The following SPATA6L variants were observed in gnomAD, a reference collection of about 807,000 sequenced individuals.
SPATA6L encodes spermatogenesis associated 6-like protein.
Under a neutral mutation model 49.2 loss-of-function variants are expected in SPATA6L, and 68 were observed. The ratio of observed to expected loss-of-function variants is 1.38; its 90% CI spans 1.14 to 1.69. SPATA6L has a LOEUF of 1.69. Ranked by LOEUF, SPATA6L falls within the 40% of genes most tolerant of loss-of-function variation. The pLI, the probability that SPATA6L is intolerant of heterozygous loss-of-function variation, is 0.00. For missense variants in SPATA6L, 668 were observed against 464.3 expected (o/e 1.44, Z -4.03); for synonymous variants, 198 against 165.7 (o/e 1.19, Z -1.50).
At chr9:4,604,366 T>C in intron 10 of SPATA6L, 97 bp from the exon 11 acceptor site, 1 of 733,914 alleles carries the variant, frequency 1.4e-6, no homozygotes, top group South Asian at 1.7e-5. Flanking sequence ...GGTCTGTGCA[T>C]CCCATTTATG....
chr9:4,661,932 G>A lies in SPATA6L; in HGVS notation c.144C>T (p.Pro48=), dbSNP rs377628445. 5.6e-6 allele frequency: 9 copies of A among 1,613,758 alleles called. No homozygotes were observed. The African/African-American group carries it at 9.3e-5, about 17-fold the overall frequency. ...ATCTCATGCTCTCCTGAATCATAAT[G>A]GGGAACGCAGAGGGAAAGCTGTTGG... ...LETNSFPSAF[P]IMIQESMRFE... is the part of the protein sequence containing the mutation. Residue 48 remains proline (P), a synonymous_variant, in exon 2 of 12, where the codon CCC becomes CCT. Transcript: ENST00000682582.
intron 4 of SPATA6L, chr9:4,633,373 A>G (rs1832048057): frequency 6.5e-6 from 1 of 153,478 alleles, no homozygotes; most frequent in Non-Finnish European, 1.5e-5. Flanking sequence ...GTTATCATTA[A>G]AAAAGGAGAG....
intron 9 of SPATA6L, among the ~76,000 whole-genome samples, chr9:4,614,516 G>C (rs189141843): frequency 1.8e-4 from 28 of 152,310 alleles, no homozygotes; most frequent in African/African-American, 6.5e-4. Context: ...CCAGGAATCT[G>C]CCCTAGTGAT....
intron 3 of SPATA6L, among the ~76,000 whole-genome samples, chr9:4,644,264 G>A (rs970266213): frequency 1.3e-5 from 2 of 150,164 alleles, no homozygotes; most frequent in African/African-American, 2.5e-5. Flanking sequence ...CTACTGGGAG[G>A]CTGAGGCAGG....
Position 4,618,874 on chromosome 9 carries a change from G to T in SPATA6L, c.797C>A (p.Ala266Asp), listed in dbSNP as rs147973115. The change falls in exon 8 of 12, where the codon GCT becomes GAT. Residue 266 changes from alanine to aspartate, a missense_variant. Physicochemically the swap from Ala to Asp is moderately radical, Grantham distance 126. Coordinates refer to ENST00000682582, the MANE Select transcript of SPATA6L (RefSeq NM_001353486.2). ...TACTTCTAAAATTACCTTTACGTTAGCTGCAAGGCTGTCAAGAGAAGAAGC... is the reference window on the plus strand; with the variant it reads ...TACTTCTAAAATTACCTTTACGTTATCTGCAAGGCTGTCAAGAGAAGAAGC... The part of the protein sequence containing the change: ...RRASSLDSLA[A>D]NVKVIKEPDE... 2 of 1,612,846 alleles carry T rather than the reference G, an allele frequency of 1.2e-6. No individual in the cohort carries two copies. The highest frequency in any genetic ancestry group is 2.2e-5 in the South Asian group (2 of 90,950).
intron 3 of SPATA6L, among the ~76,000 whole-genome samples, chr9:4,649,936 T>G (rs1275368049): frequency 1.3e-5 from 2 of 152,240 alleles, no homozygotes; most frequent in African/African-American, 4.8e-5. Context: ...CTTACAGATG[T>G]GACCCATCTC....
Position 4,656,089 on chromosome 9 carries a change from C to A in SPATA6L, c.178G>T (p.Val60Leu). ...MIQESMRFEKVFESAVDPGAV... is the reference protein window; with the variant it reads ...MIQESMRFEKLFESAVDPGAV... ...CCAGGATCTACTGCACTTTCAAATACCTGCAGAGAAAAATGGGGAAAATAA... is the reference window on the plus strand; with the variant it reads ...CCAGGATCTACTGCACTTTCAAATAACTGCAGAGAAAAATGGGGAAAATAA... Residue 60 changes from valine (V) to leucine (L), a missense_variant and splice_region_variant, in exon 3 of 12, where the codon GTA becomes TTA. Val to Leu is a conservative substitution (Grantham distance 32). Coordinates refer to ENST00000682582, the MANE Select transcript of SPATA6L (RefSeq NM_001353486.2). 6.2e-7 allele frequency: 1 copy of A among 1,611,872 alleles called. No homozygotes were observed. Among genetic ancestry groups the A allele is most frequent in the Non-Finnish European group, 8.5e-7 (1 of 1,178,848 alleles).
chr9:4,651,032 C>G (rs1836730913), intron 3 of SPATA6L, among the ~76,000 whole-genome samples: 2 of 151,864 alleles, frequency 1.3e-5, no homozygotes, highest in Non-Finnish European at 2.9e-5. Flanking sequence ...AGACAGAGTC[C>G]TGCTCTGTCA....
At chr9:4,612,809 A>G (rs1193244526) in intron 9 of SPATA6L, among the ~76,000 whole-genome samples, 1 of 152,178 alleles carries the variant, frequency 6.6e-6, no homozygotes, top group Non-Finnish European at 1.5e-5. Flanking sequence ...TCATCCATCC[A>G]TTAATATTCA....
chr9:4,648,127 G>A (rs544974696), intron 3 of SPATA6L, among the ~76,000 whole-genome samples: 3 of 152,166 alleles, frequency 2.0e-5, no homozygotes, highest in East Asian at 3.9e-4. Flanking sequence ...AAGCCACTGT[G>A]CCCAGCCATG....
At chr9:4,641,398 A>T (rs1335642078) in intron 3 of SPATA6L, among the ~76,000 whole-genome samples, 1 of 152,218 alleles carries the variant, frequency 6.6e-6, no homozygotes, top group East Asian at 1.9e-4. Flanking sequence ...GCATAATAAT[A>T]AAACATTAAA....
At chr9:4,607,720 G>C (rs936592759) in intron 9 of SPATA6L, among the ~76,000 whole-genome samples, 2 of 152,122 alleles carry the variant, frequency 1.3e-5, no homozygotes, top group African/African-American at 4.8e-5. Flanking sequence ...TCGAGACTAG[G>C]AAGAAACTGC....
intron 7 of SPATA6L, among the ~76,000 whole-genome samples, chr9:4,620,028 C>T (rs970879031): frequency 1.3e-5 from 2 of 152,124 alleles, no homozygotes; most frequent in Non-Finnish European, 2.9e-5. Context: ...CCCACGTCAC[C>T]GGTAGATATA....
chr9:4,607,426 T>C (rs1015211810), intron 9 of SPATA6L, among the ~76,000 whole-genome samples: 1 of 152,140 alleles, frequency 6.6e-6, no homozygotes, highest in African/African-American at 2.4e-5. Context: ...GGGAAGCCCA[T>C]CAGACTAACA....
At chr9:4,638,587 C>T (rs16921682) in intron 3 of SPATA6L, among the ~76,000 whole-genome samples, 19,062 of 152,056 alleles carry the variant, frequency 0.13, 1,712 homozygotes, top group African/African-American at 0.25. Flanking sequence ...CCATGCTCCT[C>T]TGACAATGCT....
chr9:4,666,289 C>T lies in SPATA6L; in HGVS notation c.-39G>A, dbSNP rs752524707. 1 of 1,612,974 alleles carries T rather than the reference C, an allele frequency of 6.2e-7. No individual in the cohort carries two copies. ...GGCGAAAGGACTGGAATGAGAAGATCCTTTTGTGCCGAGCCTTGGACCAAT... is the reference window on the plus strand; with the variant it reads ...GGCGAAAGGACTGGAATGAGAAGATTCTTTTGTGCCGAGCCTTGGACCAAT... On this transcript the variant is annotated 5_prime_UTR_variant, in exon 1 of 12. Coordinates refer to ENST00000682582, the MANE Select transcript of SPATA6L (RefSeq NM_001353486.2).
chr9:4,646,730 T>C (rs1301321495), intron 3 of SPATA6L, among the ~76,000 whole-genome samples: 4 of 152,226 alleles, frequency 2.6e-5, no homozygotes, highest in Non-Finnish European at 5.9e-5. Flanking sequence ...AACAGAATTA[T>C]AAAAAATAGC....
At chr9:4,656,146 G>A (rs1475734129) in intron 2 of SPATA6L, 57 bp from the exon 3 acceptor site, 16 of 1,465,780 alleles carry the variant, frequency 1.1e-5, no homozygotes, top group Non-Finnish European at 1.5e-5. Flanking sequence ...AGCGCATATA[G>A]AAACTGTAAA....
intron 3 of SPATA6L, among the ~76,000 whole-genome samples, chr9:4,648,300 C>A (rs1296278911): frequency 6.6e-6 from 1 of 152,182 alleles, no homozygotes. Context: ...TATTTGCCAA[C>A]CATCACCCCA....
Sources: allele counts gnomAD v4.1 joint callset (sites outside exome capture counted in the v4.1 genomes callset), GRCh38; gene constraint gnomAD v4.1.1; transcripts MANE v1.5; gene names NCBI Gene and HGNC (gene_info 2026-07-23, HGNC 2026-07-21).